Variants in BPTF observed in about 807,000 individuals in gnomAD.
BPTF encodes the protein nucleosome-remodeling factor subunit BPTF.
BPTF carries 18 observed loss-of-function variants against 292.5 expected under a neutral mutation model. The ratio of observed to expected loss-of-function variants is 0.06; its 90% confidence interval spans 0.04 to 0.09. The LOEUF (loss-of-function observed/expected upper bound fraction) is 0.09, where lower values mean the gene tolerates loss of function less well. Among genes scored for constraint, BPTF ranks in the 10% least tolerant of loss-of-function variants. The pLI, the probability that BPTF is intolerant of heterozygous loss-of-function variation, is 1.00. For synonymous variants in BPTF, 1,225 were observed against 1,251.9 expected, an observed-to-expected ratio of 0.98 and a Z score of 0.45; for missense variants, 2,726 against 3,498.7, an observed-to-expected ratio of 0.78 and a Z score of 5.57.
At chr17:67,851,914 G>T (rs892447505) in intron 1 of BPTF, among the ~76,000 whole-genome samples, 1 of 135,418 alleles carries the variant, frequency 7.4e-6, no homozygotes. Context: ...AGTGAGATTG[G>T]GGTCCTTTTT....
intron 3 of BPTF, 94 bp from the exon 4 acceptor site, chr17:67,874,723 A>G: frequency 5.1e-6 from 4 of 783,302 alleles, no homozygotes; most frequent in Non-Finnish European, 8.4e-6. Flanking sequence ...TTCCTCTTTA[A>G]TAGCTTGTAT....
intron 26 of BPTF, among the ~76,000 whole-genome samples, chr17:67,973,417 A>G (rs1555692097): frequency 1.3e-5 from 2 of 152,072 alleles, no homozygotes; most frequent in Non-Finnish European, 2.9e-5. Context: ...TGCCATTTTA[A>G]TCATTTTAAT....
At chr17:67,968,935 C>T (rs916738643) in intron 26 of BPTF, among the ~76,000 whole-genome samples, 3 of 150,906 alleles carry the variant, frequency 2.0e-5, no homozygotes, top group African/African-American at 7.4e-5. Flanking sequence ...GAGCCGAGAT[C>T]GCGCCATTGC....
chr17:67,877,884 C>T (rs939656707), intron 4 of BPTF, among the ~76,000 whole-genome samples: 4 of 152,204 alleles, frequency 2.6e-5, no homozygotes, highest in African/African-American at 9.7e-5. Flanking sequence ...CCTCCCGCCT[C>T]TGCCTCTCAA....
rs113986508 is a variant in BPTF, at chr17:67,866,807, G to A, written c.1660+120G>A. Reference sequence around the variant, plus strand: ...CAAGTACAGTCGTGCATTGCTTAATGATGGGGATACATTCTGAAAAATGTG... The same window carrying A: ...CAAGTACAGTCGTGCATTGCTTAATAATGGGGATACATTCTGAAAAATGTG... On this transcript the variant is annotated intron_variant, in intron 3 of 27. Transcript: ENST00000306378. The A allele has an allele frequency of 7.4e-3, 5,171 of 699,526 alleles. 193 individuals are homozygous for A. The African/African-American group carries it at 0.082, about 11-fold the overall frequency. 43.3% of individuals were successfully genotyped at this position (699,526 alleles called of 1,614,324 possible).
chr17:67,934,870 C>CAAAAAAAAAAAAAAAAA (rs569120237), intron 18 of BPTF, among the ~76,000 whole-genome samples: 1 of 91,052 alleles, frequency 1.1e-5, no homozygotes, highest in Non-Finnish European at 1.9e-5. Context: ...AACTCTGTCT[C>CAAAAAAAAAAAAAAAAA]AAAAAAAAAA....
chr17:67,835,330 G>A (rs1343616122), intron 1 of BPTF, among the ~76,000 whole-genome samples: 1 of 152,136 alleles, frequency 6.6e-6, no homozygotes, highest in African/African-American at 2.4e-5. Flanking sequence ...AGAGCATTTG[G>A]GGCATTTCAT....
In BPTF at chr17:67,981,866, AACACACAC is replaced by A. The variant is rs60203396; in HGVS notation, c.8727-355_8727-348del. The stretch of plus-strand genomic sequence containing the variant: ...TATATTCCCCTCATCAATGTAAATA[AACACACAC>A]ACACACACACACACACACACACACA... On this transcript the variant is annotated intron_variant, in intron 27 of 27. Transcript: ENST00000306378. 362 of 133,966 alleles carry A rather than the reference AACACACAC, an allele frequency of 2.7e-3. 4 individuals are homozygous for A. The highest frequency in any genetic ancestry group is 0.012 in the Middle Eastern group (3 of 252). The allele number at this position is 133,966 out of a possible 1,614,324, so 8.3% of individuals were successfully genotyped here.
At chr17:67,941,883 A>G (rs782054879) in intron 19 of BPTF, among the ~76,000 whole-genome samples, 5 of 152,256 alleles carry the variant, frequency 3.3e-5, no homozygotes, top group Non-Finnish European at 4.4e-5. Context: ...CTGTTCATCA[A>G]ACTCACTACA....
chr17:67,832,394 G>C (rs1360579923), intron 1 of BPTF, among the ~76,000 whole-genome samples: 1 of 151,930 alleles, frequency 6.6e-6, no homozygotes, highest in Non-Finnish European at 1.5e-5. Context: ...AAATTTTTAT[G>C]TTTTTCTAGA....
chr17:67,983,232 G>T lies in BPTF; in HGVS notation c.*944G>T, dbSNP rs2070604823. 1 of 152,634 alleles carries T rather than the reference G, an allele frequency of 6.6e-6. No individual in the cohort carries two copies. Among genetic ancestry groups the T allele is most frequent in the South Asian group, 2.1e-4 (1 of 4,834 alleles). The allele number at this position is 152,634 out of a possible 1,614,324, so 9.5% of individuals were successfully genotyped here. A position where few individuals can be genotyped will look rare whatever the true frequency, so the allele number is the denominator to read the frequency against. On this transcript the variant is annotated 3_prime_UTR_variant, in exon 28 of 28. Transcript: ENST00000306378. ...AGGGAGGCCTGCAAGGTCATGAAAG[G>T]CAGAAGAGTCTAATTGTGCCTGGAT... is the stretch of plus-strand genomic sequence containing the variant.
chr17:67,834,696 G>C (rs1289148551), intron 1 of BPTF, among the ~76,000 whole-genome samples: 3 of 152,132 alleles, frequency 2.0e-5, no homozygotes, highest in Non-Finnish European at 2.9e-5. Flanking sequence ...ACATGGAGCT[G>C]AAATGGGCTT....
intron 23 of BPTF, among the ~76,000 whole-genome samples, chr17:67,949,158 G>A (rs556431769): frequency 2.0e-5 from 3 of 152,226 alleles, no homozygotes; most frequent in African/African-American, 7.2e-5. Context: ...TTGAGCCCAG[G>A]AGTTCAAGAT....
chr17:67,940,272 A>G (rs564781648), intron 18 of BPTF, among the ~76,000 whole-genome samples, 167 bp from the exon 19 acceptor site: 7 of 152,232 alleles, frequency 4.6e-5, no homozygotes, highest in Non-Finnish European at 1.0e-4. Context: ...CCAACCAGGC[A>G]GGACCTTTGG....
intron 7 of BPTF, among the ~76,000 whole-genome samples, chr17:67,896,726 TA>T (rs1317295561): frequency 2.0e-5 from 3 of 152,156 alleles, no homozygotes; most frequent in African/African-American, 7.2e-5. Context: ...CTATAAATCA[TA>T]AAACTAGAAG....
rs2064131170 is a variant in BPTF at position 67,928,865 on chromosome 17, G to A, written c.5998+264G>A. 3 of 1,006,966 alleles carry A rather than the reference G, an allele frequency of 3.0e-6. No homozygotes were observed. In the South Asian group the frequency reaches 7.4e-5, roughly 25 times the overall value. 62.4% of individuals were successfully genotyped at this position (1,006,966 alleles called of 1,614,324 possible). ...TGTTTTTATTAAAAATACAAAATGA[G>A]CCACATTTCATGCATTGGTGCCCTT... On this transcript the variant is annotated intron_variant, in intron 16 of 27. Transcript: ENST00000306378.
chr17:67,942,081 C>A (rs1555672173), intron 19 of BPTF, among the ~76,000 whole-genome samples: 2 of 152,170 alleles, frequency 1.3e-5, no homozygotes, highest in African/African-American at 4.8e-5. Flanking sequence ...TTTGGGAGGC[C>A]AAGCCAGGTG....
intron 24 of BPTF, among the ~76,000 whole-genome samples, chr17:67,963,759 CAT>C (rs1489813064): frequency 2.0e-5 from 3 of 152,080 alleles, no homozygotes; most frequent in African/African-American, 7.2e-5. Context: ...CAATATGTAA[CAT>C]AGAAATTAAT....
chr17:67,967,931 A>G (rs2148465177), intron 26 of BPTF, among the ~76,000 whole-genome samples: 1 of 151,604 alleles, frequency 6.6e-6, no homozygotes. Context: ...AATGAAATTA[A>G]TGAATGGGTT....
Sources: gnomAD v4.1 joint callset for allele counts (sites outside exome capture counted in the v4.1 genomes callset) on GRCh38, gnomAD v4.1.1 for gene constraint, MANE v1.5 for transcripts, NCBI Gene and HGNC (gene_info 2026-07-23, HGNC 2026-07-21) for gene names.